The following CLCN4 variants were observed in gnomAD, a reference collection of about 807,000 sequenced individuals.
CLCN4 encodes the protein Cl-/H+ antiporter 4.
CLCN4 carries 1 observed loss-of-function variant against 41.7 expected under a neutral mutation model. That is an observed-to-expected ratio of 0.02 (90% CI 0.01 to 0.11). The LOEUF is 0.11. Ranked by LOEUF, CLCN4 falls within the 10% of genes least tolerant of loss-of-function variation. The pLI is 1.00. For missense variants in CLCN4, 287 were observed against 661.0 expected (o/e 0.43, Z 6.20); for synonymous variants, 277 against 285.8 (o/e 0.97, Z 0.31).
intron 12 of CLCN4, among the ~76,000 whole-genome samples, chrX:10,224,041 T>C (rs1489567984): frequency 8.9e-6 from 1 of 111,984 alleles, no homozygotes; most frequent in Non-Finnish European, 1.9e-5. Flanking sequence ...TACCTCCTTC[T>C]GGGTTGATGT....
rs1249326150 is a variant in CLCN4, at chrX:10,231,510, TGAGA to T, written c.2193-1981_2193-1978del. 4.5e-5 allele frequency among the ~76,000 whole-genome samples: 5 copies of T among 111,727 alleles called. No homozygotes were observed. The Admixed American group carries it at 4.8e-4, about 11-fold the overall frequency. Reference sequence around the variant, plus strand: ...TCCTGCCTTGTTGTTGTTTTTTTAATGAGAGATTTTTAAACATAATTCCAAATTT... The same window carrying T: ...TCCTGCCTTGTTGTTGTTTTTTTAATGATTTTTAAACATAATTCCAAATTT... On this transcript the variant is annotated intron_variant, in intron 12 of 12. Transcript: ENST00000380833.
chrX:10,211,228 TGCACAC>T (rs1924539447), intron 9 of CLCN4, among the ~76,000 whole-genome samples: 1 of 83,790 alleles, frequency 1.2e-5, no homozygotes, highest in Admixed American at 1.8e-4. Flanking sequence ...ATCACGCCAC[TGCACAC>T]GGGCCTGGGC....
rs145441555 is a variant in CLCN4, at chrX:10,179,754, C to T, written c.-11-5268C>T. ...TTCATTTTAACAAACATTTATGAAG[C>T]GCTAACCACATGCCAGGCACAAATT... On this transcript the variant is annotated intron_variant, in intron 2 of 12. Transcript: ENST00000380833. 7.4e-3 allele frequency among the ~76,000 whole-genome samples: 826 copies of T among 112,354 alleles called. 4 individuals are homozygous for T. Among genetic ancestry groups the T allele is most frequent in the Non-Finnish European group, 0.012 (647 of 53,252 alleles).
At chrX:10,169,791 C>CTTT (rs768158943) in intron 2 of CLCN4, among the ~76,000 whole-genome samples, 1 of 58,549 alleles carries the variant, frequency 1.7e-5, no homozygotes, top group Non-Finnish European at 3.1e-5. Flanking sequence ...CTTTTCTTTT[C>CTTT]TTTTTTTTTT....
intron 2 of CLCN4, among the ~76,000 whole-genome samples, chrX:10,168,764 A>C (rs1923310077): frequency 9.0e-6 from 1 of 110,702 alleles, no homozygotes; most frequent in South Asian, 3.8e-4. Flanking sequence ...AGCCACCCTC[A>C]TGTCCCCTTC....
intron 2 of CLCN4, among the ~76,000 whole-genome samples, chrX:10,177,827 G>A (rs1285006395): frequency 8.9e-6 from 1 of 112,079 alleles, no homozygotes; most frequent in African/African-American, 3.3e-5. Flanking sequence ...GTACACAGAT[G>A]TTCCTAACAG....
chrX:10,221,265 G>T (rs1304594391), intron 12 of CLCN4, among the ~76,000 whole-genome samples: 1 of 111,781 alleles, frequency 8.9e-6, no homozygotes, highest in Admixed American at 9.5e-5. Context: ...AGTGCTCCAT[G>T]CAAACCACAG....
chrX:10,224,132 A>C (rs1924925007), intron 12 of CLCN4, among the ~76,000 whole-genome samples: 1 of 111,439 alleles, frequency 9.0e-6, no homozygotes, highest in Non-Finnish European at 1.9e-5. Context: ...TCCTGAATTC[A>C]TATTTCCCTA....
rs766970736 is a variant in CLCN4 at position 10,220,767 on chromosome X, G to A, written c.2082G>A (p.Arg694=). Residue 694 remains arginine (R), a synonymous_variant, in exon 12 of 13, where the codon CGG becomes CGA. Coordinates refer to ENST00000380833, the MANE Select transcript of CLCN4 (RefSeq NM_001830.4). ...PANSPHPLKL[R]RILNLSPFTV... is the part of the protein sequence containing the mutation. ...ACAGCCCACATCCCCTGAAGCTGCGGCGCATCCTGAACCTCAGCCCGTTTA... is the reference window on the plus strand; with the variant it reads ...ACAGCCCACATCCCCTGAAGCTGCGACGCATCCTGAACCTCAGCCCGTTTA... The A allele has an allele frequency of 5.8e-6, 7 of 1,209,851 alleles. No homozygotes were observed. The highest frequency in any genetic ancestry group is 7.8e-6 in the Non-Finnish European group (7 of 894,980).
chrX:10,174,965 A>AT (rs1398779708), intron 2 of CLCN4, among the ~76,000 whole-genome samples: 1 of 111,799 alleles, frequency 8.9e-6, no homozygotes, highest in Non-Finnish European at 1.9e-5. Context: ...GTTTTTGAAC[A>AT]TGATGTAAAC....
At chrX:10,197,804 T>A (rs1345500012) in intron 5 of CLCN4, 135 bp from the exon 6 acceptor site, 3 of 739,335 alleles carry the variant, frequency 4.1e-6, no homozygotes, top group Non-Finnish European at 6.0e-6. Context: ...GCCTTTTGGT[T>A]TATACAGGAC....
chrX:10,208,252 C>T lies in CLCN4; in HGVS notation c.1051C>T (p.Arg351Cys), dbSNP rs763535956. The change falls in exon 9 of 13, where the codon CGC (arginine) becomes TGC (cysteine). Residue 351 changes from arginine (R) to cysteine (C), a missense_variant. Physicochemically the swap from Arg to Cys is radical, Grantham distance 180. This residue lies in a region of CLCN4 where 94 missense variants were observed against 177.9 expected (regional missense o/e 0.53). Coordinates refer to ENST00000380833, the MANE Select transcript of CLCN4 (RefSeq NM_001830.4). ...FGGLWGTLFI[R>C]CNIAWCRRRK... is the part of the protein sequence containing the mutation. ...GGGCTTGTGGGGAACCCTCTTCATC[C>T]GCTGCAACATCGCCTGGTGCAGGAG... 12 of 1,209,116 alleles carry T rather than the reference C, an allele frequency of 9.9e-6. No homozygotes were observed. Among genetic ancestry groups the T allele is most frequent in the Admixed American group, 2.2e-5 (1 of 45,636 alleles).
intron 5 of CLCN4, among the ~76,000 whole-genome samples, chrX:10,195,408 A>G (rs781216373): frequency 9.0e-6 from 1 of 111,350 alleles, no homozygotes; most frequent in East Asian, 2.8e-4. Flanking sequence ...TTTGCTGATC[A>G]TGCTGAAGAA....
intron 9 of CLCN4, 56 bp downstream of exon 9, chrX:10,208,646 C>A: frequency 1.9e-6 from 2 of 1,054,573 alleles, no homozygotes; most frequent in African/African-American, 1.9e-5. Flanking sequence ...GGGGACAGCA[C>A]CCTACTCTCT....
chrX:10,196,814 A>T (rs1419970548), intron 5 of CLCN4, among the ~76,000 whole-genome samples: 1 of 111,806 alleles, frequency 8.9e-6, no homozygotes, highest in East Asian at 2.8e-4. Flanking sequence ...TGTTTTGGGG[A>T]AATACAGCCA....
At chrX:10,180,788 AAAAAAAG>A in intron 2 of CLCN4, among the ~76,000 whole-genome samples, 1 of 105,176 alleles carries the variant, frequency 9.5e-6, no homozygotes, top group Non-Finnish European at 1.9e-5. Flanking sequence ...AAAAAAAAAA[AAAAAAAG>A]AAAGAAAGAA....
At chrX:10,200,140 G>A (rs958604823) in intron 6 of CLCN4, among the ~76,000 whole-genome samples, 3 of 111,693 alleles carry the variant, frequency 2.7e-5, no homozygotes, top group Non-Finnish European at 3.8e-5. Flanking sequence ...TGATCCTCCC[G>A]CCTCAGCCTC....
At chrX:10,214,645 G>A (rs189122390) in intron 11 of CLCN4, among the ~76,000 whole-genome samples, 2 of 112,802 alleles carry the variant, frequency 1.8e-5, no homozygotes, top group Admixed American at 1.9e-4. Flanking sequence ...GGGTAAATGT[G>A]CAGACATCGC....
rs2147178608 is a variant in CLCN4, at chrX:10,206,712, C to T, written c.779C>T (p.Ala260Val). The T allele has an allele frequency of 2.5e-6, 3 of 1,207,448 alleles. No individual in the cohort carries two copies. Among genetic ancestry groups the T allele is most frequent in the Non-Finnish European group, 3.4e-6 (3 of 893,515 alleles). Residue 260 changes from alanine (A) to valine (V), a missense_variant, in exon 8 of 13, where the codon GCG becomes GTG. By Grantham distance (64) the Ala-to-Val change is moderately conservative. Transcript: ENST00000380833. ...GKRREVLSAA[A>V]AAGVSVAFGA... ...GTTTTGTAGGTGCTTTCAGCTGCAGCGGCTGCTGGAGTCTCTGTTGCCTTT... is the reference window on the plus strand; with the variant it reads ...GTTTTGTAGGTGCTTTCAGCTGCAGTGGCTGCTGGAGTCTCTGTTGCCTTT...
Sources: gnomAD v4.1 joint callset for allele counts (sites outside exome capture counted in the v4.1 genomes callset) on GRCh38, gnomAD v4.1.1 for gene constraint, gnomAD v4.1.1 regional missense constraint, MANE v1.5 for transcripts, NCBI Gene and HGNC (gene_info 2026-07-23, HGNC 2026-07-21) for gene names.